The following FAT3 variants were observed in gnomAD, a reference collection of about 807,000 sequenced individuals.
The protein encoded by FAT3 is protocadherin Fat 3.
A neutral mutation model predicts 310.2 loss-of-function variants in FAT3; 95 were observed. The observed-to-expected ratio is 0.31, with a 90% CI of 0.26 to 0.36. The LOEUF is 0.36. FAT3 is among the 10% of genes least tolerant of loss of function. The pLI, the probability that FAT3 is intolerant of heterozygous loss-of-function variation, is 1.00. For synonymous variants in FAT3, 2,314 were observed against 2,192.9 expected, an observed-to-expected ratio of 1.06 and a Z score of -1.54; for missense variants, 5,408 against 5,715.6, an observed-to-expected ratio of 0.95 and a Z score of 1.74.
At chr11:92,766,163 G>A (rs1011298782) in intron 6 of FAT3, among the ~76,000 whole-genome samples, 1 of 152,226 alleles carries the variant, frequency 6.6e-6, no homozygotes, top group South Asian at 2.1e-4. Flanking sequence ...AAAAGGAAAG[G>A]GCAAAACAGC....
intron 2 of FAT3, among the ~76,000 whole-genome samples, chr11:92,461,195 G>A (rs1284909164): frequency 6.6e-6 from 1 of 152,112 alleles, no homozygotes; most frequent in Non-Finnish European, 1.5e-5. Flanking sequence ...CCTAGTCCCA[G>A]CCCTGTTGAG....
intron 2 of FAT3, among the ~76,000 whole-genome samples, chr11:92,510,357 G>T (rs950374872): frequency 2.6e-5 from 4 of 152,068 alleles, no homozygotes; most frequent in African/African-American, 7.2e-5. Flanking sequence ...GTGTATGGTG[G>T]TTATGCAAAT....
At position 92,842,734 on chromosome 11, in the gene FAT3, C is replaced by A. The variant is rs576343413; in HGVS notation, c.10567-1200C>A. On this transcript the variant is annotated intron_variant, in intron 18 of 27. Transcript: ENST00000525166. Reference sequence around the variant, plus strand: ...AAAAACAAAAACAAAAAAAAAGTAGCCTGGTGTGGTGGTGCACACCTATAT... The same window carrying A: ...AAAAACAAAAACAAAAAAAAAGTAGACTGGTGTGGTGGTGCACACCTATAT... 9.2e-5 allele frequency among the ~76,000 whole-genome samples: 14 copies of A among 152,186 alleles called. No homozygotes were observed. In the East Asian group the frequency reaches 2.7e-3, roughly 29 times the overall value.
At chr11:92,815,282 A>C (rs1231268629) in intron 13 of FAT3, among the ~76,000 whole-genome samples, 1 of 152,136 alleles carries the variant, frequency 6.6e-6, no homozygotes, top group African/African-American at 2.4e-5. Flanking sequence ...TTTAAAAATA[A>C]GGAGCTGGTG....
intron 4 of FAT3, among the ~76,000 whole-genome samples, chr11:92,733,668 C>T (rs755785730): frequency 1.7e-4 from 26 of 151,746 alleles, no homozygotes; most frequent in Non-Finnish European, 3.5e-4. Flanking sequence ...GTTGAAAGGC[C>T]GATGTGACTT....
At chr11:92,283,966 A>G (rs974778367) in intron 1 of FAT3, among the ~76,000 whole-genome samples, 1 of 151,952 alleles carries the variant, frequency 6.6e-6, no homozygotes, top group Non-Finnish European at 1.5e-5. Context: ...ACTTTATTAA[A>G]TCTCTTATCT....
intron 3 of FAT3, among the ~76,000 whole-genome samples, chr11:92,632,425 G>T (rs1281069426): frequency 6.6e-6 from 1 of 152,166 alleles, no homozygotes; most frequent in African/African-American, 2.4e-5. Flanking sequence ...GAGGCAGACG[G>T]GTTACTGGAA....
chr11:92,479,823 G>T (rs973397489), intron 2 of FAT3, among the ~76,000 whole-genome samples: 1 of 152,094 alleles, frequency 6.6e-6, no homozygotes, highest in African/African-American at 2.4e-5. Context: ...GCCCTGTGTG[G>T]TATCCTTCTC....
intron 1 of FAT3, among the ~76,000 whole-genome samples, chr11:92,228,468 TGGCTCTTCA>T (rs1213415007): frequency 6.6e-6 from 1 of 152,228 alleles, no homozygotes; most frequent in Non-Finnish European, 1.5e-5. Flanking sequence ...TGTAAAGCTA[TGGCTCTTCA>T]GGCTGCTCAC....
chr11:92,801,656 A>T lies in FAT3; in HGVS notation c.8643A>T (p.Leu2881=). 6.2e-7 allele frequency: 1 copy of T among 1,613,914 alleles called. No individual in the cohort carries two copies. The highest frequency in any genetic ancestry group is 1.7e-4 in the Middle Eastern group (1 of 6,060). The change falls in exon 10 of 28, where the codon CTA becomes CTT. Residue 2881 remains leucine (L), a synonymous_variant. Transcript: ENST00000525166. Reference sequence around the variant, plus strand: ...GCTGGATCAGTACCTTGAAGGACCTAGATCACGAGACAGACCCCACATTCA... The same window carrying T: ...GCTGGATCAGTACCTTGAAGGACCTTGATCACGAGACAGACCCCACATTCA... The part of the protein sequence containing the change: ...NTGWISTLKD[L]DHETDPTFTF...
rs577068264 is a variant in FAT3 at position 92,490,295 on chromosome 11, G to T, written c.3293-34339G>T. On this transcript the variant is annotated intron_variant, in intron 2 of 27. Coordinates refer to ENST00000525166, the MANE Select transcript of FAT3 (RefSeq NM_001367949.2). ...GGAATGTAATTCAAATTTCAGAAAG[G>T]CTGGGGCTGAATGGCTCTTTGTTCT... is the stretch of plus-strand genomic sequence containing the variant. 4.6e-5 allele frequency among the ~76,000 whole-genome samples: 7 copies of T among 152,184 alleles called. No homozygotes were observed. In the South Asian group the frequency reaches 1.5e-3, roughly 32 times the overall value.
intron 4 of FAT3, among the ~76,000 whole-genome samples, chr11:92,750,105 C>A (rs113208245): frequency 6.6e-6 from 1 of 152,142 alleles, no homozygotes; most frequent in South Asian, 2.1e-4. Flanking sequence ...CTTCTTGCTG[C>A]GTGTGGTTGG....
chr11:92,793,019 G>A (rs1023026325), intron 9 of FAT3, 42 bp downstream of exon 9: 8 of 1,576,622 alleles, frequency 5.1e-6, no homozygotes, highest in South Asian at 2.2e-5. Flanking sequence ...ATAATGCAAG[G>A]CATTCGACCC....
chr11:92,583,059 A>G (rs1938903983), intron 3 of FAT3, among the ~76,000 whole-genome samples: 1 of 150,650 alleles, frequency 6.6e-6, no homozygotes, highest in Non-Finnish European at 1.5e-5. Flanking sequence ...AGTAAAATTA[A>G]ATTAGCACTT....
intron 3 of FAT3, among the ~76,000 whole-genome samples, chr11:92,622,580 T>C (rs182337171): frequency 2.0e-5 from 3 of 152,094 alleles, no homozygotes; most frequent in Non-Finnish European, 4.4e-5. Flanking sequence ...TCCCTTATGA[T>C]AAGAAACAAG....
chr11:92,373,737 A>G (rs1208153013), intron 2 of FAT3, among the ~76,000 whole-genome samples: 1 of 151,400 alleles, frequency 6.6e-6, no homozygotes, highest in Admixed American at 6.6e-5. Context: ...TTCCAGAGAG[A>G]CAGAACCAGT....
At chr11:92,794,846 C>CCA (rs1947129408) in intron 9 of FAT3, among the ~76,000 whole-genome samples, 1 of 152,194 alleles carries the variant, frequency 6.6e-6, no homozygotes, top group Non-Finnish European at 1.5e-5. Context: ...ACAGACAAAC[C>CCA]CACACTGGTC....
chr11:92,799,708 A>G lies in FAT3; in HGVS notation c.6695A>G (p.Asn2232Ser). The G allele has an allele frequency of 1.2e-6, 2 of 1,613,178 alleles. No individual in the cohort carries two copies. The highest frequency in any genetic ancestry group is 8.5e-7 in the Non-Finnish European group (1 of 1,179,570). ...IIDGDPFKQF[N>S]IDFDTGVLKV... ...GATGGGGACCCTTTTAAACAGTTTA[A>G]CATTGACTTTGACACTGGGGTCCTG... Residue 2232 changes from asparagine (N) to serine (S), a missense_variant, in exon 10 of 28, where the codon AAC becomes AGC. Physicochemically the swap from Asn to Ser is conservative, Grantham distance 46. This residue lies in a region of FAT3 where 4,588 missense variants were observed against 4,809.8 expected (regional missense o/e 0.95). Transcript: ENST00000525166.
chr11:92,527,203 G>A (rs891391426), intron 3 of FAT3, among the ~76,000 whole-genome samples: 1 of 152,120 alleles, frequency 6.6e-6, no homozygotes, highest in Non-Finnish European at 1.5e-5. Flanking sequence ...AAACACCATA[G>A]AACACAGTGG....
Sources: gnomAD v4.1 joint callset for allele counts (sites outside exome capture counted in the v4.1 genomes callset) on GRCh38, gnomAD v4.1.1 for gene constraint, gnomAD v4.1.1 regional missense constraint, MANE v1.5 for transcripts, NCBI Gene and HGNC (gene_info 2026-07-23, HGNC 2026-07-21) for gene names.